Variants in OPTC observed in about 807,000 individuals in gnomAD.
OPTC encodes the protein opticin.
OPTC carries 22 observed loss-of-function variants against 25.4 expected under a neutral mutation model. That is an observed-to-expected ratio of 0.87 (90% CI 0.62 to 1.24). The LOEUF is 1.24. Among genes scored for constraint, OPTC ranks in the 50% most tolerant of loss-of-function variants. The pLI is 0.00. For missense variants in OPTC, 417 were observed against 425.2 expected (o/e 0.98, Z 0.17); for synonymous variants, 169 against 179.3 (o/e 0.94, Z 0.46).
intron 7 of OPTC, among the ~76,000 whole-genome samples, chr1:203,507,089 G>A (rs1265953400): frequency 6.6e-6 from 1 of 152,242 alleles, no homozygotes; most frequent in Non-Finnish European, 1.5e-5. Flanking sequence ...ACCAGGGAGG[G>A]AAGGAGGAAG....
Position 203,496,129 on chromosome 1 carries a change from G to C in OPTC, c.124G>C (p.Glu42Gln). 6.2e-7 allele frequency: 1 copy of C among 1,614,140 alleles called. No homozygotes were observed. The highest frequency in any genetic ancestry group is 1.1e-5 in the South Asian group (1 of 91,076). Residue 42 changes from glutamate (E) to glutamine (Q), a missense_variant, in exon 2 of 8, where the codon GAA (glutamate) becomes CAA (glutamine). Transcript: ENST00000367222. ...GATGCCCAGGGAAGGCGATTCCTTT[G>C]AAGTTCTGCCTCTGCGGAATGATGT... Reference protein sequence around the residue: ...EQMPREGDSFEVLPLRNDVLN... With the variant: ...EQMPREGDSFQVLPLRNDVLN...
rs753445608 is a variant in OPTC at position 203,503,615 on chromosome 1, C to T, written c.894C>T (p.Arg298=). The T allele has an allele frequency of 4.2e-5, 68 of 1,613,606 alleles. No homozygotes were observed. The Admixed American group carries it at 1.1e-3, about 26-fold the overall frequency. The change falls in exon 7 of 8, where the codon CGC becomes CGT. Residue 298 remains arginine, a synonymous_variant. Coordinates refer to ENST00000367222, the MANE Select transcript of OPTC (RefSeq NM_014359.4). ...FCDPEEHKHT[R]RQLEDIRLDG... The stretch of plus-strand genomic sequence containing the variant: ...ACCCCGAGGAGCACAAACACACCCG[C>T]AGGCAGCTGGAAGACATCCGCCTGG...
At chr1:203,501,302 T>C (rs1661388269) in intron 5 of OPTC, among the ~76,000 whole-genome samples, 1 of 152,170 alleles carries the variant, frequency 6.6e-6, no homozygotes, top group East Asian at 1.9e-4. Context: ...GGTTTCACCA[T>C]GTTGGCCAGG....
rs150864583 is a variant in OPTC at position 203,503,887 on chromosome 1, T to TAC, written c.*25+153_*25+154dup. 24 of 736,858 alleles carry TAC rather than the reference T, an allele frequency of 3.3e-5. No homozygotes were observed. In the African/African-American group the frequency reaches 3.3e-4, roughly 10 times the overall value. 45.6% of individuals were successfully genotyped at this position (736,858 alleles called of 1,614,324 possible). A position where few individuals can be genotyped will look rare whatever the true frequency, so the allele number is the denominator to read the frequency against. The stretch of plus-strand genomic sequence containing the variant: ...TATCACACACATGCACACGCATGCA[T>TAC]ACACACACACACTCATGTACTGAAA... On this transcript the variant is annotated intron_variant, in intron 7 of 7. Coordinates refer to ENST00000367222, the MANE Select transcript of OPTC (RefSeq NM_014359.4).
chr1:203,506,557 C>T (rs1350024615), intron 7 of OPTC, among the ~76,000 whole-genome samples: 1 of 152,138 alleles, frequency 6.6e-6, no homozygotes, highest in African/African-American at 2.4e-5. Flanking sequence ...CTCTCGGTTA[C>T]TCTTTGCTGA....
At chr1:203,508,188 A>G (rs1398304151) in intron 7 of OPTC, among the ~76,000 whole-genome samples, 2 of 152,248 alleles carry the variant, frequency 1.3e-5, no homozygotes, top group African/African-American at 4.8e-5. Flanking sequence ...TTCTTGTCAG[A>G]GAAATGGGAA....
intron 5 of OPTC, among the ~76,000 whole-genome samples, chr1:203,500,974 C>T (rs755176694): frequency 2.6e-5 from 4 of 152,238 alleles, no homozygotes; most frequent in Non-Finnish European, 5.9e-5. Flanking sequence ...TGAAAACATA[C>T]ACGTGAGTTT....
At chr1:203,506,145 C>CTTTTTTTTT in intron 7 of OPTC, among the ~76,000 whole-genome samples, 1 of 89,464 alleles carries the variant, frequency 1.1e-5, no homozygotes, top group Non-Finnish European at 2.6e-5. Context: ...ATCCAATTTT[C>CTTTTTTTTT]TTTTTTCTTT....
chr1:203,501,354 G>A (rs902532121), intron 5 of OPTC, among the ~76,000 whole-genome samples: 3 of 152,174 alleles, frequency 2.0e-5, no homozygotes, highest in African/African-American at 7.2e-5. Flanking sequence ...GCCCACCTTG[G>A]CCTCCCGAAG....
rs368299794 is a variant in OPTC, at chr1:203,503,593, C to T, written c.872C>T (p.Pro291Leu). The stretch of plus-strand genomic sequence containing the variant: ...ATGCAGAGAGACGTCTTCTGTGACC[C>T]CGAGGAGCACAAACACACCCGCAGG... ...ETMQRDVFCDPEEHKHTRRQL... is the reference protein window; with the variant it reads ...ETMQRDVFCDLEEHKHTRRQL... Residue 291 changes from proline (P) to leucine (L), a missense_variant, in exon 7 of 8, where the codon CCC (proline) becomes CTC (leucine). Pro to Leu is a moderately conservative substitution (Grantham distance 98). Coordinates refer to ENST00000367222, the MANE Select transcript of OPTC (RefSeq NM_014359.4). The T allele has an allele frequency of 2.0e-5, 33 of 1,613,604 alleles. No individual in the cohort carries two copies. The highest frequency in any genetic ancestry group is 2.8e-5 in the Non-Finnish European group (33 of 1,180,026).
In OPTC at chr1:203,499,826, C is replaced by T. The variant is rs757379053; in HGVS notation, c.707C>T (p.Ser236Leu). Reference sequence around the variant, plus strand: ...GTCCGCCTAAATCGGCTCCAGAGCTCGGGGATACAGCCTGCAGCCTTCAGG... The same window carrying T: ...GTCCGCCTAAATCGGCTCCAGAGCTTGGGGATACAGCCTGCAGCCTTCAGG... The part of the protein sequence containing the change: ...LDVRLNRLQS[S>L]GIQPAAFRAM... Residue 236 changes from serine to leucine, a missense_variant, in exon 5 of 8, where the codon TCG becomes TTG. Physicochemically the swap from Ser to Leu is moderately radical, Grantham distance 145. Transcript: ENST00000367222. 52 of 1,612,174 alleles carry T rather than the reference C, an allele frequency of 3.2e-5. No homozygotes were observed. The highest frequency in any genetic ancestry group is 2.7e-5 in the African/African-American group (2 of 74,758).
chr1:203,503,592 C>A lies in OPTC; in HGVS notation c.871C>A (p.Pro291Thr), dbSNP rs1323195667. Residue 291 changes from proline to threonine, a missense_variant, in exon 7 of 8, where the codon CCC becomes ACC. Transcript: ENST00000367222. ...ETMQRDVFCD[P>T]EEHKHTRRQL... ...CATGCAGAGAGACGTCTTCTGTGACCCCGAGGAGCACAAACACACCCGCAG... is the reference window on the plus strand; with the variant it reads ...CATGCAGAGAGACGTCTTCTGTGACACCGAGGAGCACAAACACACCCGCAG... 6.2e-7 allele frequency: 1 copy of A among 1,613,716 alleles called. No individual in the cohort carries two copies. Among genetic ancestry groups the A allele is most frequent in the Non-Finnish European group, 8.5e-7 (1 of 1,180,020 alleles).
At chr1:203,503,473 C>A in intron 6 of OPTC, 77 bp from the exon 7 acceptor site, 2 of 1,428,684 alleles carry the variant, frequency 1.4e-6, no homozygotes, top group Non-Finnish European at 9.8e-7. Flanking sequence ...CTGGTAGGGA[C>A]AGCTGATGTG....
At chr1:203,495,831 A>C in intron 1 of OPTC, 134 bp from the exon 2 acceptor site, 1 of 643,840 alleles carries the variant, frequency 1.6e-6, no homozygotes, top group East Asian at 2.8e-5. Context: ...CTGGTAGGGA[A>C]TTTGTGCATG....
intron 3 of OPTC, 41 bp downstream of exon 3, chr1:203,497,156 A>G (rs1308021443): frequency 6.2e-7 from 1 of 1,611,762 alleles, no homozygotes; most frequent in Middle Eastern, 1.6e-4. Flanking sequence ...CCTAGGTCAT[A>G]GGCCAAGCAG....
At chr1:203,501,360 C>T (rs1478978488) in intron 5 of OPTC, among the ~76,000 whole-genome samples, 8 of 152,112 alleles carry the variant, frequency 5.3e-5, no homozygotes. Context: ...CTTGGCCTCC[C>T]GAAGAGCTGG....
intron 5 of OPTC, among the ~76,000 whole-genome samples, chr1:203,502,696 G>T (rs1661409715): frequency 6.6e-6 from 1 of 152,224 alleles, no homozygotes; most frequent in Non-Finnish European, 1.5e-5. Context: ...CTCAATGGTA[G>T]CAGCTTTCCT....
At chr1:203,500,411 G>A (rs1204099987) in intron 5 of OPTC, among the ~76,000 whole-genome samples, 12 of 65,146 alleles carry the variant, frequency 1.8e-4, no homozygotes, top group Admixed American at 9.3e-4. Flanking sequence ...ACCATCACCC[G>A]CCTCCACTGC....
In OPTC at chr1:203,498,777, C is replaced by T. The variant is rs746898636; in HGVS notation, c.467C>T (p.Ala156Val). The T allele has an allele frequency of 1.5e-5, 24 of 1,613,970 alleles. No individual in the cohort carries two copies. Among genetic ancestry groups the T allele is most frequent in the African/African-American group, 6.7e-5 (5 of 74,914 alleles). ...EDIPPLPRRT[A>V]YLYARFNRIS... ...ATTCCTCCTCTTCCTCGGAGGACTG[C>T]CTACCTGTATGCACGCTTCAACCGC... is the stretch of plus-strand genomic sequence containing the variant. The change falls in exon 4 of 8, where the codon GCC becomes GTC. Residue 156 changes from alanine to valine, a missense_variant. Physicochemically the swap from Ala to Val is moderately conservative, Grantham distance 64. Transcript: ENST00000367222.
Sources: allele counts gnomAD v4.1 joint callset (sites outside exome capture counted in the v4.1 genomes callset), GRCh38; gene constraint gnomAD v4.1.1; transcripts MANE v1.5; gene names NCBI Gene and HGNC (gene_info 2026-07-23, HGNC 2026-07-21).